DCLK1: variants seen among roughly 807,000 people sequenced by gnomAD.
The protein encoded by DCLK1 is doublecortin like kinase 1.
In DCLK1, 16 loss-of-function variants were observed where a neutral mutation model predicts 86.2. The observed-to-expected ratio is 0.19, with a 90% CI of 0.13 to 0.28. The LOEUF (loss-of-function observed/expected upper bound fraction) is 0.28. Ranked by LOEUF, DCLK1 falls within the 10% of genes least tolerant of loss-of-function variation. The pLI, the probability that DCLK1 is intolerant of heterozygous loss-of-function variation, is 1.00. For missense variants in DCLK1, 590 were observed against 940.2 expected, an observed-to-expected ratio of 0.63 and a Z score of 4.87; for synonymous variants, 369 against 370.5, an observed-to-expected ratio of 1.00 and a Z score of 0.05.
At chr13:35,796,731 C>T (rs1184032265) in intron 15 of DCLK1, among the ~76,000 whole-genome samples, 1 of 152,146 alleles carries the variant, frequency 6.6e-6, no homozygotes, top group African/African-American at 2.4e-5. Flanking sequence ...TTCTTTTTCC[C>T]ACACCAGGTT....
At chr13:36,100,179 C>CAAAAAAAAAA (rs58824322) in intron 3 of DCLK1, among the ~76,000 whole-genome samples, 10 of 37,702 alleles carry the variant, frequency 2.7e-4, no homozygotes, top group Non-Finnish European at 3.4e-4. Flanking sequence ...CCTGTCTCTA[C>CAAAAAAAAAA]AAAAAAAAAA....
intron 3 of DCLK1, among the ~76,000 whole-genome samples, chr13:35,966,946 C>T (rs1174654310): frequency 3.3e-5 from 5 of 152,066 alleles, no homozygotes; most frequent in East Asian, 2.0e-4. Context: ...AAGTGAGGAG[C>T]GTCTCTGCCT....
intron 4 of DCLK1, among the ~76,000 whole-genome samples, chr13:35,944,152 C>T (rs1426071604): frequency 6.6e-6 from 1 of 152,192 alleles, no homozygotes; most frequent in Non-Finnish European, 1.5e-5. Context: ...AATGGCAAAT[C>T]TTCTCCAAGG....
At chr13:36,052,599 T>C (rs562027018) in intron 3 of DCLK1, among the ~76,000 whole-genome samples, 1 of 152,258 alleles carries the variant, frequency 6.6e-6, no homozygotes, top group African/African-American at 2.4e-5. Flanking sequence ...AGGGGTTACA[T>C]AGTCTCTTAG....
chr13:35,972,729 A>G (rs567521641), intron 3 of DCLK1, among the ~76,000 whole-genome samples: 7 of 152,072 alleles, frequency 4.6e-5, no homozygotes, highest in Non-Finnish European at 8.8e-5. Flanking sequence ...GAGTGGAAAA[A>G]CAAAGGACCT....
At chr13:35,847,400 G>A (rs1870258661) in intron 6 of DCLK1, 1 of 984,874 alleles carries the variant, frequency 1.0e-6, no homozygotes, top group Non-Finnish European at 1.2e-6. Context: ...ACTGTTGATG[G>A]TTTATACACA....
rs370619717 is a variant in DCLK1 at position 35,918,164 on chromosome 13, C to T, written c.823+29194G>A. ...CCTCATATGACTCATAAGGCATACA[C>T]AAATTTTTATTTTTCTTTCTAAAAT... On this transcript the variant is annotated intron_variant, in intron 4 of 16. Transcript: ENST00000360631. Among the ~76,000 whole-genome samples the T allele has an allele frequency of 2.8e-4, 42 of 152,270 alleles. 1 individual carries two copies. In the South Asian group the frequency reaches 7.5e-3, roughly 27 times the overall value.
chr13:35,859,620 G>A (rs563031096), intron 5 of DCLK1, among the ~76,000 whole-genome samples: 41 of 152,228 alleles, frequency 2.7e-4, no homozygotes, highest in African/African-American at 8.9e-4. Flanking sequence ...CTCAGGAAGT[G>A]TGCAGATCCA....
At chr13:35,929,106 T>C (rs1310741019) in intron 4 of DCLK1, among the ~76,000 whole-genome samples, 1 of 152,130 alleles carries the variant, frequency 6.6e-6, no homozygotes, top group African/African-American at 2.4e-5. Context: ...ATTTCTTGTA[T>C]TTTTAGTAGA....
chr13:36,077,912 C>T (rs994531160), intron 3 of DCLK1, among the ~76,000 whole-genome samples: 3 of 152,162 alleles, frequency 2.0e-5, no homozygotes, highest in Non-Finnish European at 4.4e-5. Context: ...GAGCTCTGAT[C>T]CTTAACTTTG....
At chr13:35,807,302 T>C (rs1209503001) in intron 14 of DCLK1, among the ~76,000 whole-genome samples, 1 of 152,234 alleles carries the variant, frequency 6.6e-6, no homozygotes, top group African/African-American at 2.4e-5. Flanking sequence ...GCATTCACAT[T>C]GTTGTGCAAC....
At position 35,893,199 on chromosome 13, in the gene DCLK1, G is replaced by A. The variant is rs563672689; in HGVS notation, c.824-21859C>T. 5.9e-5 allele frequency among the ~76,000 whole-genome samples: 9 copies of A among 152,318 alleles called. No individual in the cohort carries two copies. In the East Asian group the frequency reaches 1.7e-3, roughly 29 times the overall value. On this transcript the variant is annotated intron_variant, in intron 4 of 16. Coordinates refer to ENST00000360631, the MANE Select transcript of DCLK1 (RefSeq NM_001330071.2). ...TGAACTACTGGGTTCGGGGCAAGGA[G>A]TCCAGCAGAGGTGAAGGGGCAAGCA...
chr13:36,125,209 G>A (rs1329958050), intron 2 of DCLK1, among the ~76,000 whole-genome samples: 2 of 152,050 alleles, frequency 1.3e-5, no homozygotes, highest in East Asian at 3.8e-4. Flanking sequence ...AGGAAGCATC[G>A]CAGTGGAACG....
intron 3 of DCLK1, among the ~76,000 whole-genome samples, chr13:36,043,642 GC>G (rs1189659696): frequency 2.6e-5 from 4 of 152,072 alleles, no homozygotes; most frequent in African/African-American, 9.7e-5. Flanking sequence ...CCTACGGGAT[GC>G]CAGAAAGAAA....
chr13:36,008,821 C>T (rs1292947429), intron 3 of DCLK1, among the ~76,000 whole-genome samples: 2 of 151,182 alleles, frequency 1.3e-5, no homozygotes, highest in Non-Finnish European at 3.0e-5. Context: ...AATGGTTGAA[C>T]TAGTTTACAG....
Position 35,790,316 on chromosome 13 carries a change from A to T in DCLK1, c.2058+3050T>A, listed in dbSNP as rs1259575349. ...CTTTTTTCTTTTGTCATTCTAAGAA[A>T]GAAAGAGTGTCACAGATTCTCTGAT... On this transcript the variant is annotated intron_variant, in intron 16 of 16. Transcript: ENST00000360631. 9.9e-5 allele frequency among the ~76,000 whole-genome samples: 15 copies of T among 152,212 alleles called. No homozygotes were observed. In the South Asian group the frequency reaches 1.9e-3, roughly 19 times the overall value.
intron 3 of DCLK1, among the ~76,000 whole-genome samples, chr13:35,996,799 T>C (rs1157460422): frequency 6.6e-6 from 1 of 152,336 alleles, no homozygotes; most frequent in Non-Finnish European, 1.5e-5. Context: ...ACTCTGTGCA[T>C]CATCTTTTAT....
chr13:35,901,000 TA>T (rs1166867367), intron 4 of DCLK1, among the ~76,000 whole-genome samples: 1 of 152,144 alleles, frequency 6.6e-6, no homozygotes, highest in African/African-American at 2.4e-5. Flanking sequence ...TTTTTTTTCT[TA>T]AGGCAGGTGT....
At chr13:36,053,258 C>T (rs1883188953) in intron 3 of DCLK1, among the ~76,000 whole-genome samples, 1 of 152,070 alleles carries the variant, frequency 6.6e-6, no homozygotes, top group South Asian at 2.1e-4. Flanking sequence ...AATAAGAGAA[C>T]AAATCTGCCT....
Sources: allele counts gnomAD v4.1 joint callset (sites outside exome capture counted in the v4.1 genomes callset), GRCh38; gene constraint gnomAD v4.1.1; transcripts MANE v1.5; gene names NCBI Gene and HGNC (gene_info 2026-07-23, HGNC 2026-07-21).